Variants in EML6 observed in about 807,000 individuals in gnomAD.
EML6 encodes echinoderm microtubule-associated protein-like 6.
In EML6, 154 loss-of-function variants were observed where a neutral mutation model predicts 240.1. That is an observed-to-expected ratio of 0.64 (90% confidence interval 0.56 to 0.73). The LOEUF is 0.73. EML6 is among the 30% of genes least tolerant of loss of function. The pLI is 0.00. For missense variants in EML6, 2,964 were observed against 2,474.6 expected, an observed-to-expected ratio of 1.20 and a Z score of -4.20; for synonymous variants, 1,148 against 899.0, an observed-to-expected ratio of 1.28 and a Z score of -4.95.
At chr2:54,831,863 A>T (rs1015461105) in intron 7 of EML6, among the ~76,000 whole-genome samples, 1 of 152,196 alleles carries the variant, frequency 6.6e-6, no homozygotes. Flanking sequence ...CACAGTGTGG[A>T]TGCTGTGGAT....
At position 54,869,368 on chromosome 2, in the gene EML6, GTATC is replaced by G. The variant is rs1421857888; in HGVS notation, c.2238+7_2238+10del. ...GAAGGACTATGTGGCTACTGGGCAG[GTATC>G]TATCTCCTGTAAACTAGGGCCTAGC... On this transcript the variant is annotated splice_donor_variant and splice_donor_5th_base_variant and intron_variant, in intron 15 of 41. Transcript: ENST00000356458. LOFTEE classifies it high-confidence loss of function. The G allele has an allele frequency of 6.5e-7, 1 of 1,544,926 alleles. No individual in the cohort carries two copies. Among genetic ancestry groups the G allele is most frequent in the South Asian group, 1.2e-5 (1 of 83,438 alleles).
In EML6 at chr2:54,879,684, G is replaced by C. The variant is rs144166396; in HGVS notation, c.2438+44G>C. 20 of 1,106,962 alleles carry C rather than the reference G, an allele frequency of 1.8e-5. No individual in the cohort carries two copies. The East Asian group carries it at 3.3e-4, about 19-fold the overall frequency. 68.6% of individuals were successfully genotyped at this position (1,106,962 alleles called of 1,614,324 possible). ...CTTACGGTATCCTGCTGATACCACGGTTCAGTAAAGGTCAATAGTTTTCAT... is the reference window on the plus strand; with the variant it reads ...CTTACGGTATCCTGCTGATACCACGCTTCAGTAAAGGTCAATAGTTTTCAT... On this transcript the variant is annotated intron_variant, in intron 17 of 41. Transcript: ENST00000356458.
intron 11 of EML6, among the ~76,000 whole-genome samples, chr2:54,856,103 C>G (rs1168177810): frequency 2.6e-5 from 4 of 152,194 alleles, no homozygotes; most frequent in Non-Finnish European, 5.9e-5. Flanking sequence ...CGTAAGTGTT[C>G]TGCAGTTAAT....
At chr2:54,761,629 C>G (rs77788939) in intron 2 of EML6, among the ~76,000 whole-genome samples, 1,780 of 152,144 alleles carry the variant, frequency 0.012, 34 homozygotes, top group African/African-American at 0.041. Context: ...GTGGATATAG[C>G]TTGACTTTAA....
At chr2:54,847,722 AT>A in intron 9 of EML6, 99 bp downstream of exon 9, 1 of 1,326,380 alleles carries the variant, frequency 7.5e-7, no homozygotes, top group Non-Finnish European at 1.0e-6. Context: ...GGAAAAATCC[AT>A]TTAGCCATTC....
intron 26 of EML6, among the ~76,000 whole-genome samples, chr2:54,917,927 G>A (rs567248975): frequency 4.6e-5 from 7 of 152,270 alleles, no homozygotes; most frequent in African/African-American, 1.7e-4. Context: ...ATCTGATCAG[G>A]TCAGAGCACA....
At chr2:54,960,976 T>C (rs1676467739) in intron 35 of EML6, among the ~76,000 whole-genome samples, 1 of 152,070 alleles carries the variant, frequency 6.6e-6, no homozygotes, top group South Asian at 2.1e-4. Flanking sequence ...CAAACTTCTA[T>C]TGAATACCTT....
chr2:54,739,462 GA>G (rs1329595501), intron 2 of EML6, among the ~76,000 whole-genome samples: 1 of 152,212 alleles, frequency 6.6e-6, no homozygotes, highest in Non-Finnish European at 1.5e-5. Flanking sequence ...TCAACCTCCT[GA>G]AATCTATAAA....
chr2:54,872,554 A>G (rs550982014), intron 16 of EML6, among the ~76,000 whole-genome samples: 1 of 152,176 alleles, frequency 6.6e-6, no homozygotes, highest in Non-Finnish European at 1.5e-5. Context: ...GTCTCCCAAA[A>G]GCATAGTTAC....
intron 29 of EML6, among the ~76,000 whole-genome samples, chr2:54,950,018 G>C (rs1675895395): frequency 6.6e-6 from 1 of 152,198 alleles, no homozygotes; most frequent in African/African-American, 2.4e-5. Flanking sequence ...CACAGTGATA[G>C]GCACAGAGGA....
intron 26 of EML6, among the ~76,000 whole-genome samples, chr2:54,921,343 A>G (rs755637104): frequency 6.6e-6 from 1 of 152,150 alleles, no homozygotes; most frequent in Non-Finnish European, 1.5e-5. Flanking sequence ...CAAGACAAAT[A>G]AAATGTTTAG....
At chr2:54,846,921 G>GTTTTTTTTTTTTTTT (rs1558606488) in intron 8 of EML6, among the ~76,000 whole-genome samples, 4 of 81,194 alleles carry the variant, frequency 4.9e-5, no homozygotes, top group African/African-American at 7.0e-5. Context: ...GTATGAAGTA[G>GTTTTTTTTTTTTTTT]TATTTTTTTT....
chr2:54,898,740 C>A (rs1672902247), intron 21 of EML6, among the ~76,000 whole-genome samples: 1 of 152,136 alleles, frequency 6.6e-6, no homozygotes, highest in Non-Finnish European at 1.5e-5. Flanking sequence ...TTTTGCTTTA[C>A]TAAGCAAAGC....
intron 35 of EML6, among the ~76,000 whole-genome samples, chr2:54,960,692 T>C (rs1329359512): frequency 6.6e-6 from 1 of 152,206 alleles, no homozygotes; most frequent in Non-Finnish European, 1.5e-5. Context: ...AGCTCAGAGA[T>C]ACTAAATAGT....
intron 2 of EML6, among the ~76,000 whole-genome samples, chr2:54,732,899 T>C (rs919914985): frequency 2.0e-5 from 3 of 152,258 alleles, no homozygotes; most frequent in African/African-American, 7.2e-5. Context: ...TTAAAAATGA[T>C]TTTATAAGCA....
At chr2:54,901,178 C>T (rs183027425) in intron 22 of EML6, among the ~76,000 whole-genome samples, 50 of 152,270 alleles carry the variant, frequency 3.3e-4, no homozygotes, top group African/African-American at 1.2e-3. Flanking sequence ...AAAACTGAGG[C>T]ACAGGAAGCT....
In EML6 at chr2:54,725,647, C is replaced by T. The variant is rs1682877557; in HGVS notation, c.197+389C>T. Among the ~76,000 whole-genome samples the T allele has an allele frequency of 6.6e-6, 1 of 152,124 alleles. No individual in the cohort carries two copies. The highest frequency in any genetic ancestry group is 2.1e-4 in the South Asian group (1 of 4,818). On this transcript the variant is annotated intron_variant, in intron 2 of 41. Transcript: ENST00000356458. This position sits in a 1 kb window ranked among gnomAD's most constrained non-coding sequence, Gnocchi z 4.3. ...AAGTGTGGGCATCATCTTTGGGAGG[C>T]TCCTCAGTGGGTTTCTCAGTAAGCA...
intron 3 of EML6, 103 bp downstream of exon 3, chr2:54,813,494 G>GAC: frequency 1.0e-6 from 1 of 1,002,770 alleles, no homozygotes; most frequent in Non-Finnish European, 1.5e-6. Flanking sequence ...ACCCTTGCTG[G>GAC]TTCTTCTGGC....
At chr2:54,840,653 C>T (rs1481486698) in intron 7 of EML6, among the ~76,000 whole-genome samples, 2 of 152,186 alleles carry the variant, frequency 1.3e-5, no homozygotes, top group African/African-American at 2.4e-5. Flanking sequence ...TATTTCTTGG[C>T]ATCTCCAAGG....
Sources: gnomAD v4.1 joint callset for allele counts (sites outside exome capture counted in the v4.1 genomes callset) on GRCh38, gnomAD v4.1.1 for gene constraint, Gnocchi (gnomAD v3.1) non-coding constraint, MANE v1.5 for transcripts, NCBI Gene and HGNC (gene_info 2026-07-23, HGNC 2026-07-21) for gene names.